NREP: variants seen among roughly 807,000 people sequenced by gnomAD.
NREP encodes neuronal regeneration-related protein.
In NREP, 5 loss-of-function variants were observed where a neutral mutation model predicts 8.6. The observed-to-expected ratio is 0.58, with a 90% CI of 0.30 to 1.22. NREP has a LOEUF of 1.22. NREP is among the 50% of genes most tolerant of loss of function. NREP has a pLI of 0.07. For synonymous variants in NREP, 27 were observed against 28.0 expected (o/e 0.96, Z 0.11); for missense variants, 86 against 82.5 (o/e 1.04, Z -0.17).
intron 2 of NREP, among the ~76,000 whole-genome samples, chr5:111,946,528 A>G (rs1287319103): frequency 6.6e-6 from 1 of 150,734 alleles, no homozygotes; most frequent in Non-Finnish European, 1.5e-5. Context: ...TCCCCTGAAA[A>G]CTCCTTCTCA....
chr5:111,932,170 A>G (rs1310648277), intron 2 of NREP, among the ~76,000 whole-genome samples: 1 of 151,652 alleles, frequency 6.6e-6, no homozygotes, highest in Admixed American at 6.6e-5. Context: ...ATTTTTGTGT[A>G]ACTTAGAATT....
chr5:111,827,470 G>T (rs1401380686), intron 2 of NREP, among the ~76,000 whole-genome samples: 1 of 152,186 alleles, frequency 6.6e-6, no homozygotes, highest in Non-Finnish European at 1.5e-5. Context: ...GAGGAACCAG[G>T]CTGCTCCTCC....
At chr5:111,847,536 C>G (rs1315917069) in intron 2 of NREP, among the ~76,000 whole-genome samples, 1 of 152,152 alleles carries the variant, frequency 6.6e-6, no homozygotes, top group Non-Finnish European at 1.5e-5. Context: ...AGTATTATCT[C>G]CATGCAATCA....
rs1298501317 is a variant in NREP at position 111,730,227 on chromosome 5, C to A, written c.*694G>T. ...GAGGAAGAAAGCCACACTGAAGACA[C>A]AAGGAAAACAAGTCAATCCAGTCTA... On this transcript the variant is annotated 3_prime_UTR_variant, in exon 4 of 4. Transcript: ENST00000257435. 6.6e-6 allele frequency: 1 copy of A among 152,486 alleles called. No homozygotes were observed. The highest frequency in any genetic ancestry group is 2.4e-5 in the African/African-American group (1 of 41,386). 9.4% of individuals were successfully genotyped at this position (152,486 alleles called of 1,614,324 possible).
chr5:111,756,393 T>A, intron 1 of NREP: 1 of 315,902 alleles, frequency 3.2e-6, no homozygotes, highest in Non-Finnish European at 4.6e-6. Context: ...AACATTAATG[T>A]ACATACTGCT....
At chr5:111,810,297 G>T (rs1302563639) in intron 2 of NREP, among the ~76,000 whole-genome samples, 1 of 152,108 alleles carries the variant, frequency 6.6e-6, no homozygotes, top group Non-Finnish European at 1.5e-5. Flanking sequence ...CAAAAATCAG[G>T]AATTAATGAC....
At chr5:111,783,980 A>G (rs762042882) in intron 2 of NREP, among the ~76,000 whole-genome samples, 3 of 152,212 alleles carry the variant, frequency 2.0e-5, no homozygotes, top group African/African-American at 4.8e-5. Context: ...CATGACAAAC[A>G]TAAGTTTGGG....
At chr5:111,898,204 T>C (rs1296264119) in intron 2 of NREP, among the ~76,000 whole-genome samples, 2 of 152,146 alleles carry the variant, frequency 1.3e-5, no homozygotes, top group South Asian at 2.1e-4. Flanking sequence ...AGAACAGCTA[T>C]AAAGAGGAAA....
chr5:111,966,448 A>G (rs1359315156), intron 2 of NREP, among the ~76,000 whole-genome samples: 2 of 152,212 alleles, frequency 1.3e-5, no homozygotes, highest in Non-Finnish European at 2.9e-5. Flanking sequence ...TTTAAAATGT[A>G]GAATTGAGAA....
At chr5:111,731,999 G>C (rs1428904929) in intron 3 of NREP, 1 of 152,140 alleles carries the variant, frequency 6.6e-6, no homozygotes, top group Non-Finnish European at 1.5e-5. Context: ...AAGATTTGAC[G>C]ATGGTCTCTC....
chr5:111,776,109 A>T (rs1279938719), intron 2 of NREP, among the ~76,000 whole-genome samples: 4 of 152,204 alleles, frequency 2.6e-5, no homozygotes, highest in Non-Finnish European at 5.9e-5. Flanking sequence ...AGTATGTACC[A>T]GTTGAAACAC....
At chr5:111,782,496 T>C (rs1293561559) in intron 2 of NREP, among the ~76,000 whole-genome samples, 1 of 152,206 alleles carries the variant, frequency 6.6e-6, no homozygotes, top group East Asian at 1.9e-4. Context: ...GTGTTTCAAA[T>C]TAGACTCTTA....
intron 2 of NREP, among the ~76,000 whole-genome samples, chr5:111,813,269 A>G (rs1367656897): frequency 6.6e-6 from 1 of 152,182 alleles, no homozygotes; most frequent in Non-Finnish European, 1.5e-5. Flanking sequence ...CTCAAGGCAT[A>G]TGGCATATAT....
chr5:111,917,066 G>A (rs538213500), intron 2 of NREP, among the ~76,000 whole-genome samples: 18 of 152,138 alleles, frequency 1.2e-4, no homozygotes, highest in East Asian at 1.2e-3. Flanking sequence ...GCATACTTTC[G>A]GGGTCTTGTG....
chr5:111,824,171 C>T (rs533406669), intron 2 of NREP, among the ~76,000 whole-genome samples: 19 of 152,214 alleles, frequency 1.2e-4, no homozygotes, highest in African/African-American at 4.6e-4. Flanking sequence ...GAGATCAAGG[C>T]CATCCTGGCT....
At chr5:111,768,573 G>A (rs560288447) in intron 2 of NREP, among the ~76,000 whole-genome samples, 1 of 152,234 alleles carries the variant, frequency 6.6e-6, no homozygotes, top group East Asian at 1.9e-4. Flanking sequence ...ATGTCTATGA[G>A]TACTGAATGT....
chr5:111,746,990 G>A (rs560707197), intron 2 of NREP, among the ~76,000 whole-genome samples: 32 of 152,202 alleles, frequency 2.1e-4, no homozygotes, highest in East Asian at 1.2e-3. Flanking sequence ...CCCACATGGC[G>A]CACTCATCTA....
At chr5:111,808,745 C>G (rs192826985) in intron 2 of NREP, among the ~76,000 whole-genome samples, 34 of 152,184 alleles carry the variant, frequency 2.2e-4, no homozygotes, top group African/African-American at 7.5e-4. Context: ...ATGTGCTACT[C>G]CAGCACTCTA....
chr5:111,875,537 A>G (rs1489947323), intron 2 of NREP, among the ~76,000 whole-genome samples: 3 of 152,168 alleles, frequency 2.0e-5, no homozygotes, highest in Admixed American at 6.6e-5. Context: ...GCCAGATAAA[A>G]TTTCTTAGAC....
Sources: gnomAD v4.1 joint callset for allele counts (sites outside exome capture counted in the v4.1 genomes callset) on GRCh38, gnomAD v4.1.1 for gene constraint, MANE v1.5 for transcripts, NCBI Gene and HGNC (gene_info 2026-07-23, HGNC 2026-07-21) for gene names.